The following B3GALT1 variants were observed in gnomAD, a reference collection of about 807,000 sequenced individuals.
B3GALT1 encodes the protein beta-1,3-galactosyltransferase 1, also known as UDP-Gal:betaGlcNAc beta 1,3-galactosyltransferase, polypeptide 1.
B3GALT1 carries 10 observed loss-of-function variants against 23.2 expected under a neutral mutation model. The ratio of observed to expected loss-of-function variants is 0.43; its 90% CI spans 0.27 to 0.73. B3GALT1 has a LOEUF of 0.73. Ranked by LOEUF, B3GALT1 falls within the 30% of genes least tolerant of loss-of-function variation. B3GALT1 has a pLI of 0.21. For missense variants in B3GALT1, 299 were observed against 405.4 expected (o/e 0.74, Z 2.25); for synonymous variants, 156 against 141.5 (o/e 1.10, Z -0.73).
chr2:167,384,356 T>C (rs560253468), intron 1 of B3GALT1, among the ~76,000 whole-genome samples: 2 of 152,250 alleles, frequency 1.3e-5, no homozygotes, highest in East Asian at 3.9e-4. Flanking sequence ...CACCTCTCTT[T>C]TCCCTGAAAA....
At chr2:167,457,184 A>G (rs1404210420) in intron 1 of B3GALT1, among the ~76,000 whole-genome samples, 4 of 151,692 alleles carry the variant, frequency 2.6e-5, no homozygotes, top group Admixed American at 6.6e-5. Flanking sequence ...TTTTATTATT[A>G]TTTTTTGAGA....
rs202184642 is a variant in B3GALT1 at position 167,311,673 on chromosome 2, A to G, written c.-511+18339A>G. On this transcript the variant is annotated intron_variant, in intron 1 of 4. Coordinates refer to ENST00000392690, the MANE Select transcript of B3GALT1 (RefSeq NM_020981.4). ...GACATAACATACTTGAAAAAGAATC[A>G]TATTAAGATTATGAATTGGAAATGC... Among the ~76,000 whole-genome samples the G allele has an allele frequency of 2.6e-5, 4 of 152,166 alleles. No individual in the cohort carries two copies. In the East Asian group the frequency reaches 7.7e-4, roughly 29 times the overall value.
chr2:167,660,073 G>A lies in B3GALT1; in HGVS notation c.-352+13107G>A, dbSNP rs533948731. Among the ~76,000 whole-genome samples, 3 of 152,160 alleles carry A rather than the reference G, an allele frequency of 2.0e-5. No homozygotes were observed. In the East Asian group the frequency reaches 5.8e-4, roughly 29 times the overall value. ...TGCCCCAACTCCTCATAGAAGGTGT[G>A]CCAATTTGTAAACTAGGTGACATTT... On this transcript the variant is annotated intron_variant, in intron 3 of 4. Transcript: ENST00000392690.
intron 3 of B3GALT1, among the ~76,000 whole-genome samples, chr2:167,752,260 A>T (rs1376990258): frequency 6.6e-6 from 1 of 152,150 alleles, no homozygotes; most frequent in African/African-American, 2.4e-5. Flanking sequence ...ACTATTTTTT[A>T]AAAATAAAAA....
At chr2:167,413,849 T>G (rs1006225427) in intron 1 of B3GALT1, among the ~76,000 whole-genome samples, 2 of 152,076 alleles carry the variant, frequency 1.3e-5, no homozygotes, top group Non-Finnish European at 2.9e-5. Context: ...TAATTTTTTC[T>G]TTCTTGGAAT....
chr2:167,437,463 G>A (rs918973615), intron 1 of B3GALT1, among the ~76,000 whole-genome samples: 1 of 152,114 alleles, frequency 6.6e-6, no homozygotes, highest in Non-Finnish European at 1.5e-5. Context: ...TTGGAGGGTG[G>A]GGTAGAAATC....
chr2:167,808,273 CT>C (rs1688804013), intron 3 of B3GALT1, among the ~76,000 whole-genome samples: 1 of 151,114 alleles, frequency 6.6e-6, no homozygotes, highest in South Asian at 2.1e-4. Context: ...CAGTCTGTGT[CT>C]TTTAATTGGA....
Position 167,605,453 on chromosome 2 carries a change from G to T in B3GALT1, c.-409-41456G>T, listed in dbSNP as rs901677214. On this transcript the variant is annotated intron_variant, in intron 2 of 4. Coordinates refer to ENST00000392690, the MANE Select transcript of B3GALT1 (RefSeq NM_020981.4). ...TGGCTGACCCACGTGGTTGGTGGTT[G>T]GTACCGATTGTCACCTGAGGGCTCA... is the stretch of plus-strand genomic sequence containing the variant. 4.8e-5 allele frequency among the ~76,000 whole-genome samples: 7 copies of T among 147,040 alleles called. No homozygotes were observed. In the Admixed American group the frequency reaches 4.9e-4, roughly 10 times the overall value.
chr2:167,621,156 A>T (rs963652152), intron 2 of B3GALT1, among the ~76,000 whole-genome samples: 1 of 137,684 alleles, frequency 7.3e-6, no homozygotes, highest in African/African-American at 2.8e-5. Flanking sequence ...TGGCACAATT[A>T]TGGCTCACTG....
chr2:167,853,516 T>C (rs1309696624), intron 4 of B3GALT1, among the ~76,000 whole-genome samples: 5 of 152,302 alleles, frequency 3.3e-5, no homozygotes, highest in Middle Eastern at 3.4e-3. Context: ...TTAATATAAC[T>C]TGAAGCTCCT....
intron 1 of B3GALT1, among the ~76,000 whole-genome samples, chr2:167,489,231 A>G (rs1009730121): frequency 2.6e-5 from 4 of 152,192 alleles, no homozygotes; most frequent in South Asian, 4.1e-4. Flanking sequence ...AGTGTTATAC[A>G]TCACTACACC....
At chr2:167,495,136 T>C (rs1699764010) in intron 2 of B3GALT1, among the ~76,000 whole-genome samples, 1 of 152,128 alleles carries the variant, frequency 6.6e-6, no homozygotes, top group South Asian at 2.1e-4. Context: ...GAGGATTATT[T>C]GGGAGGGCCT....
intron 1 of B3GALT1, among the ~76,000 whole-genome samples, chr2:167,305,018 A>T (rs115226282): frequency 2.5e-3 from 381 of 152,280 alleles, no homozygotes; most frequent in Middle Eastern, 0.01. Context: ...CATAATGCCC[A>T]TCTAGGTTAG....
intron 1 of B3GALT1, among the ~76,000 whole-genome samples, chr2:167,487,120 T>G (rs967038265): frequency 6.6e-6 from 1 of 152,212 alleles, no homozygotes; most frequent in Non-Finnish European, 1.5e-5. Context: ...ACTGTCCTTG[T>G]AGAGTTAGGA....
At chr2:167,744,518 T>G (rs1687622950) in intron 3 of B3GALT1, among the ~76,000 whole-genome samples, 2 of 152,202 alleles carry the variant, frequency 1.3e-5, no homozygotes. Flanking sequence ...AGCTTTTCCT[T>G]GGTTAATATT....
At chr2:167,774,166 A>G (rs1309799979) in intron 3 of B3GALT1, among the ~76,000 whole-genome samples, 3 of 152,232 alleles carry the variant, frequency 2.0e-5, no homozygotes. Context: ...TATTTTGTGT[A>G]AGAATCCCAT....
At chr2:167,455,867 A>G (rs1421397177) in intron 1 of B3GALT1, among the ~76,000 whole-genome samples, 1 of 152,176 alleles carries the variant, frequency 6.6e-6, no homozygotes, top group Non-Finnish European at 1.5e-5. Flanking sequence ...CTTAATAAAT[A>G]TACATCGAAT....
intron 3 of B3GALT1, among the ~76,000 whole-genome samples, chr2:167,692,262 C>G (rs1210336101): frequency 6.6e-6 from 1 of 152,130 alleles, no homozygotes; most frequent in Non-Finnish European, 1.5e-5. Flanking sequence ...GACTCCTGCT[C>G]TGCTTGCACT....
intron 3 of B3GALT1, among the ~76,000 whole-genome samples, chr2:167,811,605 AGATCTCATT>A (rs977981838): frequency 1.3e-5 from 2 of 152,152 alleles, no homozygotes; most frequent in African/African-American, 4.8e-5. Flanking sequence ...TTCTCATTCA[AGATCTCATT>A]GATCTCATTG....
Sources: allele counts gnomAD v4.1 joint callset (sites outside exome capture counted in the v4.1 genomes callset), GRCh38; gene constraint gnomAD v4.1.1; transcripts MANE v1.5; gene names NCBI Gene and HGNC (gene_info 2026-07-23, HGNC 2026-07-21).